The following DENND1A variants were observed in gnomAD, a reference collection of about 807,000 sequenced individuals.
The protein encoded by DENND1A is DENN domain containing 1A.
DENND1A carries 51 observed loss-of-function variants against 113.7 expected under a neutral mutation model. The observed-to-expected ratio is 0.45, with a 90% CI of 0.36 to 0.57. The LOEUF (loss-of-function observed/expected upper bound fraction) is 0.57, where lower values mean the gene tolerates loss of function less well. Among genes scored for constraint, DENND1A ranks in the 20% least tolerant of loss-of-function variants. DENND1A has a pLI of 0.00. For missense variants in DENND1A, 1,258 were observed against 1,395.9 expected (o/e 0.90, Z 1.57); for synonymous variants, 565 against 570.8 (o/e 0.99, Z 0.14).
intron 8 of DENND1A, among the ~76,000 whole-genome samples, chr9:123,653,042 G>A (rs564748990): frequency 7.2e-5 from 11 of 152,280 alleles, no homozygotes; most frequent in African/African-American, 2.6e-4. Flanking sequence ...AAAGGGGTTT[G>A]GGAGGGAAGG....
chr9:123,631,049 T>C (rs1241596922), intron 9 of DENND1A, among the ~76,000 whole-genome samples: 1 of 152,232 alleles, frequency 6.6e-6, no homozygotes, highest in African/African-American at 2.4e-5. Context: ...TACAGGTCAA[T>C]AATTTGTATC....
At chr9:123,593,375 GCAT>G (rs2059546245) in intron 11 of DENND1A, among the ~76,000 whole-genome samples, 1 of 152,162 alleles carries the variant, frequency 6.6e-6, no homozygotes, top group Non-Finnish European at 1.5e-5. Context: ...AAGCCAGTAA[GCAT>G]CATCTACTCT....
chr9:123,537,671 T>TA lies in DENND1A; in HGVS notation c.993+19898dup, dbSNP rs11356017. 6.0e-4 allele frequency among the ~76,000 whole-genome samples: 86 copies of TA among 144,310 alleles called. No individual in the cohort carries two copies. In the Middle Eastern group the frequency reaches 0.011, roughly 18 times the overall value. 94.7% of individuals were successfully genotyped at this position (144,310 alleles called of 152,430 possible). Reference sequence around the variant, plus strand: ...AAGAAAAAACTCTTGGGCATGTAGTTAAAAAAAAAAAAGTGACTTATTAAC... The same window carrying TA: ...AAGAAAAAACTCTTGGGCATGTAGTTAAAAAAAAAAAAAGTGACTTATTAAC... On this transcript the variant is annotated intron_variant, in intron 13 of 23. Coordinates refer to ENST00000394215, the MANE Select transcript of DENND1A (RefSeq NM_001352964.2).
intron 19 of DENND1A, among the ~76,000 whole-genome samples, chr9:123,420,374 G>A (rs923466075): frequency 1.3e-5 from 2 of 152,228 alleles, no homozygotes; most frequent in African/African-American, 2.4e-5. Flanking sequence ...TCCACAGTGA[G>A]GTTTCTGGGT....
intron 16 of DENND1A, among the ~76,000 whole-genome samples, chr9:123,454,141 C>A (rs755559540): frequency 6.6e-6 from 1 of 152,238 alleles, no homozygotes; most frequent in South Asian, 2.1e-4. Flanking sequence ...GGAGCTCCCC[C>A]AGGGCAGGGC....
In DENND1A at chr9:123,607,128, T is replaced by A. The variant is rs183489722; in HGVS notation, c.765+2308A>T. 7.2e-4 allele frequency among the ~76,000 whole-genome samples: 110 copies of A among 152,284 alleles called. No homozygotes were observed. The Middle Eastern group carries it at 0.014, about 19-fold the overall frequency. On this transcript the variant is annotated intron_variant, in intron 11 of 23. Coordinates refer to ENST00000394215, the MANE Select transcript of DENND1A (RefSeq NM_001352964.2). ...AGCCCATGGTTATCAAGTGACCAGC[T>A]GGAGGGCAACCCATGCAATGTTGTG... is the stretch of plus-strand genomic sequence containing the variant.
intron 5 of DENND1A, among the ~76,000 whole-genome samples, chr9:123,719,075 T>C (rs746758684): frequency 2.0e-5 from 3 of 152,210 alleles, no homozygotes; most frequent in Non-Finnish European, 4.4e-5. Flanking sequence ...AGAAGTGCCT[T>C]TGACCTTCCA....
intron 12 of DENND1A, among the ~76,000 whole-genome samples, chr9:123,560,878 A>AC (rs1247331327): frequency 6.6e-6 from 1 of 152,122 alleles, no homozygotes; most frequent in Non-Finnish European, 1.5e-5. Context: ...CATAAGCCCC[A>AC]GCCCCACAGT....
chr9:123,692,488 G>C (rs2065248137), intron 5 of DENND1A, among the ~76,000 whole-genome samples: 1 of 152,090 alleles, frequency 6.6e-6, no homozygotes, highest in Admixed American at 6.5e-5. Context: ...AAAAAAGATG[G>C]GGATTATAAA....
chr9:123,466,983 C>T (rs1485060888), intron 13 of DENND1A, among the ~76,000 whole-genome samples: 4 of 151,966 alleles, frequency 2.6e-5, no homozygotes, highest in Non-Finnish European at 5.9e-5. Context: ...CCCAGGGCGT[C>T]AAGCCTGCAG....
intron 11 of DENND1A, among the ~76,000 whole-genome samples, chr9:123,589,320 T>C (rs936225450): frequency 2.6e-5 from 4 of 152,042 alleles, no homozygotes; most frequent in African/African-American, 9.7e-5. Context: ...TGGAATTTAG[T>C]TTCCACTTCT....
intron 13 of DENND1A, among the ~76,000 whole-genome samples, chr9:123,530,763 C>G (rs201652808): frequency 6.6e-6 from 1 of 152,010 alleles, no homozygotes; most frequent in Non-Finnish European, 1.5e-5. Context: ...CAGATAGTAT[C>G]GAACCCTAAA....
intron 4 of DENND1A, among the ~76,000 whole-genome samples, chr9:123,766,135 G>A (rs7028046): frequency 0.011 from 1,636 of 152,234 alleles, 31 homozygotes; most frequent in African/African-American, 0.036. Flanking sequence ...AGGCTCACTC[G>A]GGGCTTCTCC....
At chr9:123,824,979 TAAGAAAGAAAG>T (rs1839076353) in intron 2 of DENND1A, among the ~76,000 whole-genome samples, 1 of 152,150 alleles carries the variant, frequency 6.6e-6, no homozygotes, top group Admixed American at 6.5e-5. Flanking sequence ...GAAGGCCTTC[TAAGAAAGAAAG>T]CTTGGCTCCA....
At chr9:123,605,195 C>A (rs1033180482) in intron 11 of DENND1A, among the ~76,000 whole-genome samples, 3 of 152,160 alleles carry the variant, frequency 2.0e-5, no homozygotes, top group Non-Finnish European at 2.9e-5. Flanking sequence ...TCACCTTTCC[C>A]TTCTCCTTCC....
chr9:123,410,861 C>G (rs185223587), intron 20 of DENND1A, among the ~76,000 whole-genome samples: 5 of 152,124 alleles, frequency 3.3e-5, no homozygotes, highest in Non-Finnish European at 7.3e-5. Context: ...TGGTAAACAG[C>G]CCCCATCGAA....
chr9:123,806,672 C>T (rs1325643462), intron 2 of DENND1A, among the ~76,000 whole-genome samples: 1 of 152,118 alleles, frequency 6.6e-6, no homozygotes, highest in Non-Finnish European at 1.5e-5. Flanking sequence ...ATTAGGAATG[C>T]TTAACCTGTA....
intron 22 of DENND1A, among the ~76,000 whole-genome samples, chr9:123,386,108 C>T (rs2042547257): frequency 6.6e-6 from 1 of 152,216 alleles, no homozygotes; most frequent in South Asian, 2.1e-4. Context: ...ACCTGGTGGA[C>T]TCCTGGCTGG....
intron 13 of DENND1A, among the ~76,000 whole-genome samples, chr9:123,459,910 G>C (rs962080994): frequency 9.2e-5 from 14 of 152,162 alleles, no homozygotes. Context: ...AGGGTAAGGA[G>C]AATATTTATT....
Sources: allele counts gnomAD v4.1 joint callset (sites outside exome capture counted in the v4.1 genomes callset), GRCh38; gene constraint gnomAD v4.1.1; transcripts MANE v1.5; gene names NCBI Gene and HGNC (gene_info 2026-07-23, HGNC 2026-07-21).